The following GABRB2 variants were observed in gnomAD, a reference collection of about 807,000 sequenced individuals.
The protein encoded by GABRB2 is gamma-aminobutyric acid type A receptor subunit beta2.
GABRB2 carries 16 observed loss-of-function variants against 54.7 expected under a neutral mutation model. The ratio of observed to expected loss-of-function variants is 0.29; its 90% confidence interval spans 0.20 to 0.44. The LOEUF (loss-of-function observed/expected upper bound fraction) is 0.44, where lower values mean the gene tolerates loss of function less well. Ranked by LOEUF, GABRB2 falls within the 20% of genes least tolerant of loss-of-function variation. The probability of loss-of-function intolerance (pLI) is 1.00; values close to 1 mark genes in which losing one functional copy is unlikely to be tolerated. For missense variants in GABRB2, 355 were observed against 644.0 expected, an observed-to-expected ratio of 0.55 and a Z score of 4.86; for synonymous variants, 244 against 233.8, an observed-to-expected ratio of 1.04 and a Z score of -0.40.
At chr5:161,305,017 T>C (rs1757644594) in intron 9 of GABRB2, among the ~76,000 whole-genome samples, 1 of 141,930 alleles carries the variant, frequency 7.0e-6, no homozygotes. Flanking sequence ...TTTTTTTTTT[T>C]TTTTTTTTTT....
intron 4 of GABRB2, among the ~76,000 whole-genome samples, chr5:161,443,883 A>G (rs1188953531): frequency 6.6e-6 from 1 of 152,192 alleles, no homozygotes; most frequent in Non-Finnish European, 1.5e-5. Context: ...TTAATGAATC[A>G]TCTTAGTGTA....
intron 5 of GABRB2, among the ~76,000 whole-genome samples, chr5:161,374,868 AT>A (rs949778208): frequency 6.6e-6 from 1 of 152,056 alleles, no homozygotes; most frequent in African/African-American, 2.4e-5. Context: ...AAGCCCAATA[AT>A]TTTTTTAATT....
At chr5:161,547,464 C>T (rs1482255252), upstream of GABRB2, among the ~76,000 whole-genome samples, 2 of 152,126 alleles carry the variant, frequency 1.3e-5, no homozygotes, top group South Asian at 2.1e-4. Flanking sequence ...CGATTTCTTT[C>T]TCCTCTCCTC....
At chr5:161,512,441 A>C (rs1759803060) in intron 3 of GABRB2, among the ~76,000 whole-genome samples, 1 of 152,068 alleles carries the variant, frequency 6.6e-6, no homozygotes, top group Non-Finnish European at 1.5e-5. Flanking sequence ...GATTTTGACA[A>C]AGTCAATGAA....
At chr5:161,457,689 G>A (rs749675388) in intron 4 of GABRB2, among the ~76,000 whole-genome samples, 74 of 151,978 alleles carry the variant, frequency 4.9e-4, no homozygotes, top group African/African-American at 1.6e-3. Context: ...CTCGTGATCC[G>A]CCTGTTTTGG....
chr5:161,326,581 C>A (rs1380292494), intron 8 of GABRB2, 100 bp from the exon 9 acceptor site: 2 of 1,324,508 alleles, frequency 1.5e-6, no homozygotes, highest in Non-Finnish European at 2.0e-6. Flanking sequence ...TGCTACTGGC[C>A]TTTAGAAATC....
At chr5:161,301,706 G>A (rs1757543942) in intron 9 of GABRB2, among the ~76,000 whole-genome samples, 1 of 152,182 alleles carries the variant, frequency 6.6e-6, no homozygotes, top group Non-Finnish European at 1.5e-5. Flanking sequence ...AAGGACCTAT[G>A]CTGCAGGCCT....
At chr5:161,428,544 A>G (rs1757078908) in intron 4 of GABRB2, among the ~76,000 whole-genome samples, 2 of 152,178 alleles carry the variant, frequency 1.3e-5, no homozygotes, top group South Asian at 4.1e-4. Flanking sequence ...TTTGAATAGG[A>G]TAATGTATAA....
At chr5:161,466,773 C>G (rs769260654) in intron 3 of GABRB2, among the ~76,000 whole-genome samples, 10 of 152,046 alleles carry the variant, frequency 6.6e-5, no homozygotes, top group Non-Finnish European at 1.5e-4. Context: ...AGCTTCGGCC[C>G]TCCCCTTCCC....
chr5:161,481,587 A>G (rs1028538173), intron 3 of GABRB2, among the ~76,000 whole-genome samples: 2 of 152,066 alleles, frequency 1.3e-5, no homozygotes, highest in Non-Finnish European at 2.9e-5. Flanking sequence ...TTCTGCAAAG[A>G]GTAACAGTAT....
At chr5:161,359,376 G>T (rs1239136332) in intron 5 of GABRB2, among the ~76,000 whole-genome samples, 1 of 151,500 alleles carries the variant, frequency 6.6e-6, no homozygotes, top group Non-Finnish European at 1.5e-5. Context: ...TTTTTCCATT[G>T]TTTAAATAGC....
At chr5:161,429,345 C>CAAAAAAAA (rs770848428) in intron 4 of GABRB2, among the ~76,000 whole-genome samples, 16 of 31,422 alleles carry the variant, frequency 5.1e-4, no homozygotes, top group Non-Finnish European at 7.2e-4. Context: ...GAATCCGTCT[C>CAAAAAAAA]AAAAAAAAAA....
chr5:161,315,047 G>A (rs1055913936), intron 9 of GABRB2, among the ~76,000 whole-genome samples: 60 of 152,030 alleles, frequency 3.9e-4, no homozygotes, highest in African/African-American at 1.5e-3. Context: ...TATGGTAGAA[G>A]TATGTTAGTA....
rs59281521 is a variant in GABRB2 at position 161,355,864 on chromosome 5, T to C, written c.542-19095A>G. ...AGTATCCAACCTACAGAAGAATAGG[T>C]CTTCTCAGTTTATTATTCATGCAAA... On this transcript the variant is annotated intron_variant, in intron 5 of 9. Transcript: ENST00000393959. 4.3e-3 allele frequency among the ~76,000 whole-genome samples: 661 copies of C among 152,214 alleles called. 8 individuals are homozygous for C. The highest frequency in any genetic ancestry group is 0.014 in the African/African-American group (586 of 41,552).
chr5:161,331,323 G>A (rs1753833876), intron 7 of GABRB2, among the ~76,000 whole-genome samples, 196 bp from the exon 8 acceptor site: 1 of 152,128 alleles, frequency 6.6e-6, no homozygotes, highest in South Asian at 2.1e-4. Flanking sequence ...ATCACTGAAC[G>A]TTTGATCCCT....
intron 4 of GABRB2, among the ~76,000 whole-genome samples, chr5:161,455,273 A>G (rs965526362): frequency 6.6e-6 from 1 of 151,972 alleles, no homozygotes; most frequent in Admixed American, 6.6e-5. Flanking sequence ...AGCTTTGAGC[A>G]CCCCTCTCCG....
At chr5:161,329,245 G>GTTTA (rs982825298) in intron 8 of GABRB2, among the ~76,000 whole-genome samples, 1 of 151,964 alleles carries the variant, frequency 6.6e-6, no homozygotes, top group South Asian at 2.1e-4. Context: ...TTATTTGTTT[G>GTTTA]TTTATTTATT....
intron 6 of GABRB2, among the ~76,000 whole-genome samples, chr5:161,335,166 C>T (rs1490094151): frequency 6.6e-6 from 1 of 152,044 alleles, no homozygotes; most frequent in Non-Finnish European, 1.5e-5. Flanking sequence ...TCAAACATAC[C>T]CCTCCTCTGT....
Position 161,436,180 on chromosome 5 carries a change from G to A in GABRB2, c.458+23444C>T, listed in dbSNP as rs748706590. Among the ~76,000 whole-genome samples the A allele has an allele frequency of 6.6e-4, 101 of 152,112 alleles. 1 individual carries two copies. The highest frequency in any genetic ancestry group is 1.9e-4 in the Non-Finnish European group (13 of 68,014). On this transcript the variant is annotated intron_variant, in intron 4 of 9. Coordinates refer to ENST00000393959, the MANE Select transcript of GABRB2 (RefSeq NM_001371727.1). ...AGCCACCTCTTGGATTGAAAAGCTT[G>A]TAAAATATTTAGTATAGTGCATGGC... is the stretch of plus-strand genomic sequence containing the variant.
Sources: gnomAD v4.1 joint callset for allele counts (sites outside exome capture counted in the v4.1 genomes callset) on GRCh38, gnomAD v4.1.1 for gene constraint, MANE v1.5 for transcripts, NCBI Gene and HGNC (gene_info 2026-07-23, HGNC 2026-07-21) for gene names.